The following LRMDA variants were observed in gnomAD, a reference collection of about 807,000 sequenced individuals.
LRMDA encodes the protein leucine-rich melanocyte differentiation-associated protein.
Under a neutral mutation model 29.8 loss-of-function variants are expected in LRMDA, and 18 were observed. That is an observed-to-expected ratio of 0.60 (90% CI 0.42 to 0.90). The LOEUF (loss-of-function observed/expected upper bound fraction) is 0.90, where lower values mean the gene tolerates loss of function less well. LRMDA is among the 40% of genes least tolerant of loss of function. LRMDA has a pLI of 0.00. For missense variants in LRMDA, 273 were observed against 273.9 expected (o/e 1.00, Z 0.02); for synonymous variants, 125 against 109.4 (o/e 1.14, Z -0.89).
At chr10:75,655,237 A>G (rs1476421119) in intron 2 of LRMDA, among the ~76,000 whole-genome samples, 1 of 152,220 alleles carries the variant, frequency 6.6e-6, no homozygotes, top group Non-Finnish European at 1.5e-5. Flanking sequence ...TGACAGTCTG[A>G]AATTGGGTGT....
chr10:75,906,888 G>C (rs1845768246), intron 2 of LRMDA, among the ~76,000 whole-genome samples: 1 of 152,174 alleles, frequency 6.6e-6, no homozygotes, highest in African/African-American at 2.4e-5. Context: ...AGGTTGAACA[G>C]GTAATTGAGA....
intron 5 of LRMDA, among the ~76,000 whole-genome samples, chr10:76,114,835 C>G (rs966657900): frequency 6.6e-6 from 1 of 152,226 alleles, no homozygotes; most frequent in African/African-American, 2.4e-5. Flanking sequence ...AAAACCAACA[C>G]TCGGAGAGAA....
At chr10:75,874,017 C>T (rs4746338) in intron 2 of LRMDA, among the ~76,000 whole-genome samples, 14,577 of 152,106 alleles carry the variant, frequency 0.096, 1,143 homozygotes, top group East Asian at 0.42. Flanking sequence ...GTTCCAGAGG[C>T]CCACACCTGT....
chr10:76,009,146 T>C lies in LRMDA; in HGVS notation c.132-26862T>C, dbSNP rs190409189. On this transcript the variant is annotated intron_variant, in intron 2 of 6. Transcript: ENST00000611255. ...ATAACAAAGCCCCTCACTCTGCTTT[T>C]AATGACCACCATGAGCTGATTCTCA... Among the ~76,000 whole-genome samples the C allele has an allele frequency of 2.6e-5, 4 of 152,276 alleles. No individual in the cohort carries two copies. In the East Asian group the frequency reaches 7.8e-4, roughly 30 times the overall value.
chr10:76,398,032 A>G (rs999193190), intron 6 of LRMDA, among the ~76,000 whole-genome samples: 1 of 152,154 alleles, frequency 6.6e-6, no homozygotes, highest in African/African-American at 2.4e-5. Flanking sequence ...CTATTTTGGG[A>G]CATCTGAGTT....
At position 75,603,221 on chromosome 10, in the gene LRMDA, C is replaced by T. The variant is rs866737850; in HGVS notation, c.131+164727C>T. 4.1e-5 allele frequency among the ~76,000 whole-genome samples: 6 copies of T among 147,764 alleles called. No homozygotes were observed. The South Asian group carries it at 6.4e-4, about 16-fold the overall frequency. Reference sequence around the variant, plus strand: ...AGTCAGTATTTTATAAAGTGGATTTCGGGTGAAGAAGGAAGATCATGAAAA... The same window carrying T: ...AGTCAGTATTTTATAAAGTGGATTTTGGGTGAAGAAGGAAGATCATGAAAA... On this transcript the variant is annotated intron_variant, in intron 2 of 6. Coordinates refer to ENST00000611255, the MANE Select transcript of LRMDA (RefSeq NM_001305581.2).
At chr10:76,171,574 C>T (rs1282285344) in intron 5 of LRMDA, among the ~76,000 whole-genome samples, 2 of 152,278 alleles carry the variant, frequency 1.3e-5, no homozygotes, top group Middle Eastern at 6.8e-3. Flanking sequence ...ACTGCTCTGG[C>T]CTTTAGTTGC....
chr10:76,479,157 C>T (rs1174008798), intron 6 of LRMDA, among the ~76,000 whole-genome samples: 1 of 151,776 alleles, frequency 6.6e-6, no homozygotes, highest in Non-Finnish European at 1.5e-5. Flanking sequence ...AAGTTGGAAA[C>T]ATTGGATGCA....
intron 2 of LRMDA, among the ~76,000 whole-genome samples, chr10:75,823,670 A>T (rs899542064): frequency 6.7e-6 from 1 of 149,410 alleles, no homozygotes; most frequent in Non-Finnish European, 1.5e-5. Context: ...TCAATGGATG[A>T]TTGGATTAAA....
chr10:76,330,532 T>G (rs1235178236), intron 6 of LRMDA, among the ~76,000 whole-genome samples: 1 of 152,070 alleles, frequency 6.6e-6, no homozygotes, highest in Non-Finnish European at 1.5e-5. Context: ...ATGGCTGGCT[T>G]TAAGGGATAG....
chr10:76,334,861 T>C (rs1183453689), intron 6 of LRMDA, among the ~76,000 whole-genome samples: 1 of 151,974 alleles, frequency 6.6e-6, no homozygotes, highest in East Asian at 1.9e-4. Context: ...ATGTAGGAGA[T>C]GAAAAAGAAG....
At chr10:76,327,543 C>T (rs1470184953) in intron 6 of LRMDA, among the ~76,000 whole-genome samples, 1 of 152,202 alleles carries the variant, frequency 6.6e-6, no homozygotes, top group Non-Finnish European at 1.5e-5. Flanking sequence ...AGGCCATAAG[C>T]TGTTGGGAAG....
chr10:76,114,470 A>G (rs1849632058), intron 5 of LRMDA, among the ~76,000 whole-genome samples: 1 of 152,178 alleles, frequency 6.6e-6, no homozygotes, highest in Admixed American at 6.5e-5. Context: ...GAAGTGAAAA[A>G]GGGCCCATCC....
chr10:75,675,794 A>T (rs1841953205), intron 2 of LRMDA, among the ~76,000 whole-genome samples: 1 of 152,042 alleles, frequency 6.6e-6, no homozygotes, highest in Non-Finnish European at 1.5e-5. Flanking sequence ...TCTTTGTAGG[A>T]CAGGCGTATC....
At chr10:76,199,513 T>G (rs1191483732) in intron 5 of LRMDA, among the ~76,000 whole-genome samples, 2 of 152,172 alleles carry the variant, frequency 1.3e-5, no homozygotes, top group Non-Finnish European at 2.9e-5. Flanking sequence ...GGCATTTACT[T>G]GTATCCTTGA....
At chr10:75,669,273 G>A (rs1391398131) in intron 2 of LRMDA, among the ~76,000 whole-genome samples, 1 of 152,206 alleles carries the variant, frequency 6.6e-6, no homozygotes, top group Non-Finnish European at 1.5e-5. Context: ...GGACAGAGCA[G>A]TATTTTCTCA....
chr10:75,680,213 T>C (rs2132151721), intron 2 of LRMDA, among the ~76,000 whole-genome samples: 1 of 152,340 alleles, frequency 6.6e-6, no homozygotes, highest in East Asian at 1.9e-4. Context: ...CTGATAAGTC[T>C]AAATGGAATA....
intron 4 of LRMDA, among the ~76,000 whole-genome samples, chr10:76,055,892 C>T (rs1048984350): frequency 6.6e-6 from 1 of 152,198 alleles, no homozygotes; most frequent in Non-Finnish European, 1.5e-5. Flanking sequence ...GGTCTGGGCT[C>T]CCCAAAGGGC....
In LRMDA at chr10:75,696,292, TA is replaced by T. The variant is rs1475028726; in HGVS notation, c.131+257799del. ...AGGGACTCTGATTGTTTTCGTCACA[TA>T]GGGGCTAAAGATGGCGGAGCAGTCA... On this transcript the variant is annotated intron_variant, in intron 2 of 6. Transcript: ENST00000611255. Among the ~76,000 whole-genome samples, 5 of 152,324 alleles carry T rather than the reference TA, an allele frequency of 3.3e-5. No individual in the cohort carries two copies. In the East Asian group the frequency reaches 5.8e-4, roughly 18 times the overall value.
Sources: gnomAD v4.1 joint callset for allele counts (sites outside exome capture counted in the v4.1 genomes callset) on GRCh38, gnomAD v4.1.1 for gene constraint, MANE v1.5 for transcripts, NCBI Gene and HGNC (gene_info 2026-07-23, HGNC 2026-07-21) for gene names.